The following FBXL18 variants were observed in gnomAD, a reference collection of about 807,000 sequenced individuals.
FBXL18 encodes F-box and leucine rich repeat protein 18.
A neutral mutation model predicts 46.0 loss-of-function variants in FBXL18; 36 were observed. The observed-to-expected ratio is 0.78, with a 90% CI of 0.60 to 1.03. FBXL18 has a LOEUF of 1.03. Among genes scored for constraint, FBXL18 ranks in the 50% least tolerant of loss-of-function variants. The probability of loss-of-function intolerance (pLI) is 0.00; values close to 1 mark genes in which losing one functional copy is unlikely to be tolerated. For synonymous variants in FBXL18, 557 were observed against 465.3 expected (o/e 1.20, Z -2.54); for missense variants, 977 against 1,004.1 (o/e 0.97, Z 0.36).
At position 5,496,010 on chromosome 7, in the gene FBXL18, C is replaced by T. The variant is rs768244657; in HGVS notation, c.1781+4478G>A. The T allele has an allele frequency of 1.4e-4, 56 of 412,096 alleles. No individual in the cohort carries two copies. Among genetic ancestry groups the T allele is most frequent in the African/African-American group, 2.5e-4 (12 of 48,584 alleles). 25.5% of individuals were successfully genotyped at this position (412,096 alleles called of 1,614,324 possible). A position where few individuals can be genotyped will look rare whatever the true frequency, so the allele number is the denominator to read the frequency against. On this transcript the variant is annotated intron_variant, in intron 3 of 4. Transcript: ENST00000382368. This position sits in a 1 kb window ranked among gnomAD's most constrained non-coding sequence, Gnocchi z 4.8. ...CCCACAGAACCCGCAGGCCTCTCCG[C>T]GCCTTCTCCATGGCCCTGCTCCTGA...
In FBXL18 at chr7:5,464,150, C is replaced by A. The variant is rs571728542; in HGVS notation, c.2001-16307G>T. On this transcript the variant is annotated intron_variant and NMD_transcript_variant, in intron 4 of 6. Transcript: ENST00000415009. ...CACGAGGCCAGGAGTTCAAGACCAG[C>A]CTGGCCAACATGGTGAAACCCTGTA... is the stretch of plus-strand genomic sequence containing the variant. 1.4e-4 allele frequency among the ~76,000 whole-genome samples: 22 copies of A among 152,192 alleles called. No homozygotes were observed. The South Asian group carries it at 4.6e-3, about 32-fold the overall frequency.
downstream of FBXL18, among the ~76,000 whole-genome samples, chr7:5,472,559 ATGGAGAGGCCACG>A (rs796183152): frequency 3.1e-3 from 166 of 53,416 alleles, no homozygotes; most frequent in African/African-American, 6.8e-3. Flanking sequence ...GAGGGGCCAC[ATGGAGAGGCCACG>A]TGACAAGGCC....
chr7:5,509,429 C>T (rs1186877150), intron 1 of FBXL18, among the ~76,000 whole-genome samples: 1 of 152,070 alleles, frequency 6.6e-6, no homozygotes, highest in Non-Finnish European at 1.5e-5. Flanking sequence ...CGCGGTGGCT[C>T]ACGCCCGTAA....
chr7:5,507,771 T>C (rs1311233726), intron 1 of FBXL18, among the ~76,000 whole-genome samples: 3 of 151,486 alleles, frequency 2.0e-5, no homozygotes, highest in South Asian at 2.1e-4. Context: ...GAGGCAGAGA[T>C]TGCAGGGAGC....
In FBXL18 at chr7:5,500,982, C is replaced by T. The variant is rs1784231093; in HGVS notation, c.1287G>A (p.Ala429=). ...SLPVCSVADS[A]PRADRAPAQP... The stretch of plus-strand genomic sequence containing the variant: ...GGGCGGGCGCGCGGTCGGCGCGCGG[C>T]GCGGAGTCAGCGACAGAGCAGACAG... The change falls in exon 3 of 5, where the codon GCG becomes GCA. Residue 429 remains alanine, a synonymous_variant. Transcript: ENST00000382368. 1 of 1,555,842 alleles carries T rather than the reference C, an allele frequency of 6.4e-7. No individual in the cohort carries two copies. The highest frequency in any genetic ancestry group is 8.6e-7 in the Non-Finnish European group (1 of 1,156,756).
At chr7:5,487,914 G>A (rs767510320) in intron 4 of FBXL18, among the ~76,000 whole-genome samples, 36 of 152,382 alleles carry the variant, frequency 2.4e-4, no homozygotes, top group Non-Finnish European at 4.7e-4. Context: ...GGATGGGCAC[G>A]GCTTCTGCCG....
chr7:5,464,503 G>T (rs897708781), intron 4 of FBXL18, among the ~76,000 whole-genome samples: 1 of 151,044 alleles, frequency 6.6e-6, no homozygotes, highest in Non-Finnish European at 1.5e-5. Context: ...AATAAAATAA[G>T]AATACAAAAA....
intron 4 of FBXL18, among the ~76,000 whole-genome samples, chr7:5,463,728 A>ATTTATTTTTTTTTTT (rs1562672288): frequency 1.9e-5 from 1 of 53,034 alleles, no homozygotes; most frequent in Non-Finnish European, 3.3e-5. Flanking sequence ...TTATTTATTT[A>ATTTATTTTTTTTTTT]TTTTTTTTTT....
chr7:5,498,542 G>A (rs553777538), intron 3 of FBXL18, among the ~76,000 whole-genome samples: 8 of 151,820 alleles, frequency 5.3e-5, no homozygotes, highest in East Asian at 2.0e-4. Flanking sequence ...GGCGTGAGCC[G>A]CCACGCCCGG....
intron 3 of FBXL18, among the ~76,000 whole-genome samples, chr7:5,499,185 T>A (rs796571208): frequency 1.2e-4 from 18 of 152,192 alleles, no homozygotes; most frequent in African/African-American, 4.1e-4. Flanking sequence ...CTCTCCTGTC[T>A]CCTCCATCCT....
downstream of FBXL18, among the ~76,000 whole-genome samples, chr7:5,473,532 T>C (rs1325253494): frequency 6.6e-6 from 1 of 151,998 alleles, no homozygotes; most frequent in Non-Finnish European, 1.5e-5. Flanking sequence ...GAGGCCAAGG[T>C]GGGTGGATCA....
At chr7:5,498,278 G>A (rs181539169) in intron 3 of FBXL18, among the ~76,000 whole-genome samples, 6 of 151,908 alleles carry the variant, frequency 3.9e-5, no homozygotes, top group Non-Finnish European at 5.9e-5. Context: ...TAGTAGAGAC[G>A]GGTTTCACCG....
At position 5,513,790 on chromosome 7, in the gene FBXL18, A is replaced by T; in HGVS notation, c.-116T>A. ...CCGCTCAACCGAGACCCCGGCAAGGAGCGGGCTCTCGTCACTTCCGGCGCC... is the reference window on the plus strand; with the variant it reads ...CCGCTCAACCGAGACCCCGGCAAGGTGCGGGCTCTCGTCACTTCCGGCGCC... On this transcript the variant is annotated 5_prime_UTR_variant, in exon 1 of 5. Transcript: ENST00000382368. The T allele has an allele frequency of 7.0e-7, 1 of 1,425,560 alleles. No homozygotes were observed. Among genetic ancestry groups the T allele is most frequent in the Non-Finnish European group, 9.5e-7 (1 of 1,058,046 alleles). 88.3% of individuals were successfully genotyped at this position (1,425,560 alleles called of 1,614,324 possible). A position where few individuals can be genotyped will look rare whatever the true frequency, so the allele number is the denominator to read the frequency against.
At chr7:5,492,015 G>A (rs1783940454) in intron 3 of FBXL18, among the ~76,000 whole-genome samples, 1 of 151,718 alleles carries the variant, frequency 6.6e-6, no homozygotes, top group Admixed American at 6.6e-5. Flanking sequence ...AGCCACGACA[G>A]ATGGGAGGAC....
chr7:5,495,955 C>G (rs1160584298), intron 3 of FBXL18: 2 of 462,016 alleles, frequency 4.3e-6, no homozygotes, highest in East Asian at 7.2e-5. Flanking sequence ...CAGGGTCGGT[C>G]TCTCAGGCTG....
At chr7:5,493,228 G>A (rs1228388852) in intron 3 of FBXL18, among the ~76,000 whole-genome samples, 2 of 152,114 alleles carry the variant, frequency 1.3e-5, no homozygotes, top group East Asian at 3.9e-4. Context: ...CCAGCTACTC[G>A]GGAAGCTGAG....
chr7:5,503,745 G>T (rs1193112737), intron 2 of FBXL18, among the ~76,000 whole-genome samples: 1 of 152,040 alleles, frequency 6.6e-6, no homozygotes, highest in Admixed American at 6.6e-5. Flanking sequence ...GAAATGGGCG[G>T]ATCACGAGGT....
downstream of FBXL18, among the ~76,000 whole-genome samples, chr7:5,474,764 G>C (rs937718192): frequency 9.3e-5 from 14 of 150,748 alleles, no homozygotes; most frequent in African/African-American, 3.4e-4. Flanking sequence ...CTGGAGTGCA[G>C]TGGCGCGATC....
At chr7:5,489,287 C>G (rs780850845) in intron 4 of FBXL18, 3 of 518,980 alleles carry the variant, frequency 5.8e-6, no homozygotes, top group Admixed American at 3.9e-5. Flanking sequence ...ATCTCCAGTT[C>G]ATTCTCCAGG....
Sources: gnomAD v4.1 joint callset for allele counts (sites outside exome capture counted in the v4.1 genomes callset) on GRCh38, gnomAD v4.1.1 for gene constraint, Gnocchi (gnomAD v3.1) non-coding constraint, MANE v1.5 for transcripts, NCBI Gene and HGNC (gene_info 2026-07-23, HGNC 2026-07-21) for gene names.